ZBTB20: variants seen among roughly 807,000 people sequenced by gnomAD.
ZBTB20 encodes zinc finger and BTB domain-containing protein 20.
ZBTB20 carries 9 observed loss-of-function variants against 56.9 expected under a neutral mutation model. The ratio of observed to expected loss-of-function variants is 0.16; its 90% confidence interval spans 0.10 to 0.28. ZBTB20 has a LOEUF of 0.28. ZBTB20 is among the 10% of genes least tolerant of loss of function. The pLI is 1.00. For missense variants in ZBTB20, 655 were observed against 1,003.0 expected, an observed-to-expected ratio of 0.65 and a Z score of 4.69; for synonymous variants, 417 against 420.7, an observed-to-expected ratio of 0.99 and a Z score of 0.11.
At chr3:114,344,910 A>C (rs2080066873) in intron 11 of ZBTB20, among the ~76,000 whole-genome samples, 1 of 152,216 alleles carries the variant, frequency 6.6e-6, no homozygotes, top group Non-Finnish European at 1.5e-5. Context: ...ATGGGCTAAA[A>C]ACAGTCACCA....
At chr3:114,565,718 T>A (rs2052639376) in intron 6 of ZBTB20, among the ~76,000 whole-genome samples, 1 of 152,164 alleles carries the variant, frequency 6.6e-6, no homozygotes, top group South Asian at 2.1e-4. Flanking sequence ...CACCACGTAA[T>A]TACCTAATGT....
intron 4 of ZBTB20, among the ~76,000 whole-genome samples, chr3:114,839,435 G>GA: frequency 6.7e-6 from 1 of 148,476 alleles, no homozygotes; most frequent in East Asian, 2.0e-4. Context: ...AAGAAAGAAA[G>GA]AAAGAAAGAA....
At chr3:114,810,573 A>G (rs1176221449) in intron 4 of ZBTB20, among the ~76,000 whole-genome samples, 1 of 152,198 alleles carries the variant, frequency 6.6e-6, no homozygotes, top group Non-Finnish European at 1.5e-5. Flanking sequence ...CTCCCGGCTA[A>G]AACACTGTGG....
intron 6 of ZBTB20, among the ~76,000 whole-genome samples, chr3:114,628,985 G>A (rs916215658): frequency 6.6e-6 from 1 of 152,022 alleles, no homozygotes; most frequent in African/African-American, 2.4e-5. Flanking sequence ...TACATTCTAG[G>A]GATACTTCAG....
chr3:114,477,555 G>C (rs771909098), intron 7 of ZBTB20, among the ~76,000 whole-genome samples: 4 of 148,562 alleles, frequency 2.7e-5, no homozygotes, highest in Non-Finnish European at 5.9e-5. Flanking sequence ...GAGTTCAATG[G>C]CACGATCTCA....
intron 7 of ZBTB20, among the ~76,000 whole-genome samples, chr3:114,390,199 C>A (rs1559725704): frequency 6.6e-6 from 1 of 151,624 alleles, no homozygotes; most frequent in Non-Finnish European, 1.5e-5. Flanking sequence ...TTTTCTAGTA[C>A]AAAAAAAAGC....
chr3:114,721,935 T>C (rs1403135602), intron 5 of ZBTB20, among the ~76,000 whole-genome samples: 2 of 152,168 alleles, frequency 1.3e-5, no homozygotes, highest in African/African-American at 4.8e-5. Context: ...ACTTAAAGTA[T>C]CAATTTACAA....
chr3:114,597,766 T>A (rs1354845373), intron 6 of ZBTB20, among the ~76,000 whole-genome samples: 1 of 152,182 alleles, frequency 6.6e-6, no homozygotes, highest in Admixed American at 6.6e-5. Flanking sequence ...CTGTTTTGGA[T>A]ACATGGGACT....
At chr3:114,784,430 G>T (rs1181788928) in intron 5 of ZBTB20, among the ~76,000 whole-genome samples, 1 of 152,138 alleles carries the variant, frequency 6.6e-6, no homozygotes, top group Non-Finnish European at 1.5e-5. Flanking sequence ...AATTAAATAT[G>T]ATTTTTAAAA....
At chr3:114,460,275 T>C (rs2092266500) in intron 7 of ZBTB20, among the ~76,000 whole-genome samples, 1 of 152,242 alleles carries the variant, frequency 6.6e-6, no homozygotes, top group South Asian at 2.1e-4. Context: ...AAAGGAACTA[T>C]AGTAGGCTGA....
chr3:115,093,499 C>T (rs2083273478), intron 1 of ZBTB20, among the ~76,000 whole-genome samples: 1 of 152,120 alleles, frequency 6.6e-6, no homozygotes, highest in Non-Finnish European at 1.5e-5. Context: ...TGTGAAACAA[C>T]CTGAATTCAT....
chr3:114,729,580 C>G (rs1023118259), intron 5 of ZBTB20, among the ~76,000 whole-genome samples: 2 of 152,116 alleles, frequency 1.3e-5, no homozygotes. Flanking sequence ...TCACAAGAGA[C>G]AGAGGTTTCA....
chr3:114,969,240 G>A (rs1398587618), intron 3 of ZBTB20, among the ~76,000 whole-genome samples: 1 of 152,080 alleles, frequency 6.6e-6, no homozygotes, highest in African/African-American at 2.4e-5. Context: ...TGGAAAGAAG[G>A]GGTTGACAGA....
intron 4 of ZBTB20, among the ~76,000 whole-genome samples, chr3:114,839,389 C>CA (rs1488336290): frequency 1.6e-5 from 2 of 128,046 alleles, no homozygotes. Context: ...GCCTGGGTGA[C>CA]AGAGTGAGAG....
intron 2 of ZBTB20, among the ~76,000 whole-genome samples, chr3:115,017,715 A>G (rs1298697949): frequency 6.6e-6 from 1 of 151,508 alleles, no homozygotes; most frequent in Non-Finnish European, 1.5e-5. Flanking sequence ...TATCATCACT[A>G]TAGTTTCTTT....
At chr3:114,787,368 TAC>T (rs1300106922) in intron 5 of ZBTB20, among the ~76,000 whole-genome samples, 44 of 106,306 alleles carry the variant, frequency 4.1e-4, no homozygotes, top group Admixed American at 1.1e-3. Context: ...TATATATATA[TAC>T]ACACACACAC....
intron 4 of ZBTB20, among the ~76,000 whole-genome samples, chr3:114,802,851 G>A (rs1329354010): frequency 1.3e-5 from 2 of 151,826 alleles, no homozygotes; most frequent in Non-Finnish European, 2.9e-5. Flanking sequence ...TAGTTTAGAC[G>A]TGAAAAGGTG....
At chr3:114,925,845 G>C (rs2076139228) in intron 3 of ZBTB20, among the ~76,000 whole-genome samples, 1 of 152,156 alleles carries the variant, frequency 6.6e-6, no homozygotes, top group Non-Finnish European at 1.5e-5. Flanking sequence ...TTTTAACTTA[G>C]ACATCGTCAA....
At chr3:115,015,783 C>T (rs372530000) in intron 2 of ZBTB20, among the ~76,000 whole-genome samples, 10 of 151,698 alleles carry the variant, frequency 6.6e-5, no homozygotes, top group African/African-American at 2.2e-4. Flanking sequence ...TTGGCATAAA[C>T]GTGCATGTAT....
Sources: gnomAD v4.1 joint callset for allele counts (sites outside exome capture counted in the v4.1 genomes callset) on GRCh38, gnomAD v4.1.1 for gene constraint, MANE v1.5 for transcripts, NCBI Gene and HGNC (gene_info 2026-07-23, HGNC 2026-07-21) for gene names.